EHBP1: variants seen among roughly 807,000 people sequenced by gnomAD.
The protein encoded by EHBP1 is EH domain-binding protein 1.
In EHBP1, 55 loss-of-function variants were observed where a neutral mutation model predicts 144.0. That is an observed-to-expected ratio of 0.38 (90% confidence interval 0.31 to 0.48). The LOEUF is 0.48. Ranked by LOEUF, EHBP1 falls within the 20% of genes least tolerant of loss-of-function variation. The pLI is 0.98. For synonymous variants in EHBP1, 469 were observed against 472.7 expected (o/e 0.99, Z 0.10); for missense variants, 1,200 against 1,364.2 (o/e 0.88, Z 1.90).
At position 62,915,014 on chromosome 2, in the gene EHBP1, T is replaced by C. The variant is rs115564756; in HGVS notation, c.1186-27704T>C. On this transcript the variant is annotated intron_variant, in intron 10 of 22. Transcript: ENST00000431489. ...GTGCTATTATAGTCTATTATTAATA[T>C]ATATGTAAAATGTTTCTCTTGGAAA... 2.9e-3 allele frequency among the ~76,000 whole-genome samples: 444 copies of C among 152,190 alleles called. 5 individuals are homozygous for C. Among genetic ancestry groups the C allele is most frequent in the African/African-American group, 1.0e-2 (414 of 41,566 alleles).
intron 7 of EHBP1, among the ~76,000 whole-genome samples, chr2:62,843,728 T>A (rs928534543): frequency 1.3e-5 from 2 of 152,156 alleles, no homozygotes; most frequent in African/African-American, 4.8e-5. Flanking sequence ...TTTAAAAGTG[T>A]TTGAGTGAAG....
intron 10 of EHBP1, among the ~76,000 whole-genome samples, chr2:62,939,403 A>G (rs757546535): frequency 1.3e-5 from 2 of 151,970 alleles, no homozygotes; most frequent in African/African-American, 2.4e-5. Flanking sequence ...CCTCCCTAGT[A>G]GCTGGGACTA....
At chr2:63,011,071 G>A (rs1430734597) in intron 19 of EHBP1, among the ~76,000 whole-genome samples, 1 of 148,284 alleles carries the variant, frequency 6.7e-6, no homozygotes, top group African/African-American at 2.5e-5. Context: ...GCTAACCATA[G>A]TGTTGAACTA....
intron 10 of EHBP1, among the ~76,000 whole-genome samples, chr2:62,939,433 C>G (rs1479368755): frequency 6.6e-6 from 1 of 151,960 alleles, no homozygotes; most frequent in African/African-American, 2.4e-5. Context: ...ATCACCATGC[C>G]CAGCTATTTT....
chr2:62,781,106 A>G (rs2042393731), intron 5 of EHBP1, among the ~76,000 whole-genome samples: 1 of 152,178 alleles, frequency 6.6e-6, no homozygotes, highest in South Asian at 2.1e-4. Context: ...GACTTCCAGT[A>G]TCCTACAGTC....
In EHBP1 at chr2:62,873,397, A is replaced by C. The variant is rs144195171; in HGVS notation, c.999-949A>C. Among the ~76,000 whole-genome samples, 548 of 152,278 alleles carry C rather than the reference A, an allele frequency of 3.6e-3. 4 individuals are homozygous for C. Among genetic ancestry groups the C allele is most frequent in the African/African-American group, 0.012 (517 of 41,572 alleles). ...AAATATTAGACACAAAGAAAAAATG[A>C]ACTGGATCAGAGATGTGAGAGAGTT... On this transcript the variant is annotated intron_variant, in intron 9 of 22. Transcript: ENST00000431489.
intron 14 of EHBP1, among the ~76,000 whole-genome samples, chr2:62,964,799 C>T (rs899755552): frequency 6.6e-6 from 1 of 152,174 alleles, no homozygotes; most frequent in Non-Finnish European, 1.5e-5. Context: ...AATGAACAGT[C>T]CTTGGCAATG....
At chr2:62,901,741 G>A (rs889948312) in intron 10 of EHBP1, among the ~76,000 whole-genome samples, 1 of 151,822 alleles carries the variant, frequency 6.6e-6, no homozygotes, top group Non-Finnish European at 1.5e-5. Context: ...CGAGGTAGAC[G>A]GATCATTTGA....
At chr2:62,734,741 T>G (rs1158387148) in intron 2 of EHBP1, among the ~76,000 whole-genome samples, 2 of 152,112 alleles carry the variant, frequency 1.3e-5, no homozygotes, top group African/African-American at 4.8e-5. Flanking sequence ...TTTTTCTGTC[T>G]TTTGTGTATG....
intron 19 of EHBP1, among the ~76,000 whole-genome samples, chr2:62,997,743 A>G (rs1246986838): frequency 6.6e-6 from 1 of 152,146 alleles, no homozygotes; most frequent in Non-Finnish European, 1.5e-5. Flanking sequence ...AAGCATTTAT[A>G]TGGGACATTT....
intron 9 of EHBP1, among the ~76,000 whole-genome samples, chr2:62,872,833 TA>T (rs2050595289): frequency 6.6e-6 from 1 of 152,198 alleles, no homozygotes; most frequent in Non-Finnish European, 1.5e-5. Context: ...ACATTTCACC[TA>T]AATGGAAACA....
At chr2:62,967,073 G>A (rs1298455849) in intron 14 of EHBP1, among the ~76,000 whole-genome samples, 1 of 152,182 alleles carries the variant, frequency 6.6e-6, no homozygotes, top group Non-Finnish European at 1.5e-5. Context: ...TTGATAACAT[G>A]TACAGTTTTC....
chr2:62,980,650 G>T (rs1289430418), intron 15 of EHBP1, among the ~76,000 whole-genome samples: 1 of 151,808 alleles, frequency 6.6e-6, no homozygotes, highest in Non-Finnish European at 1.5e-5. Context: ...CTGTGTATCT[G>T]TCCCTCTGGT....
At chr2:62,739,306 A>G (rs1411299170) in intron 2 of EHBP1, among the ~76,000 whole-genome samples, 1 of 152,146 alleles carries the variant, frequency 6.6e-6, no homozygotes, top group Non-Finnish European at 1.5e-5. Flanking sequence ...CAAAACACAC[A>G]ATTGCAGTAA....
chr2:62,689,712 A>G (rs1355325138), intron 1 of EHBP1, among the ~76,000 whole-genome samples: 1 of 152,186 alleles, frequency 6.6e-6, no homozygotes, highest in African/African-American at 2.4e-5. Context: ...ATTTTCATTA[A>G]CAAGAATCCA....
intron 12 of EHBP1, among the ~76,000 whole-genome samples, chr2:62,944,721 G>A (rs1430778352): frequency 6.6e-6 from 1 of 152,196 alleles, no homozygotes; most frequent in Non-Finnish European, 1.5e-5. Context: ...TCTGTGTAAG[G>A]CTGAGTTGCT....
At chr2:62,786,061 C>T (rs2152432509) in intron 5 of EHBP1, among the ~76,000 whole-genome samples, 1 of 152,264 alleles carries the variant, frequency 6.6e-6, no homozygotes, top group South Asian at 2.1e-4. Flanking sequence ...GCAATGCTTG[C>T]TGGAACTTGA....
intron 19 of EHBP1, among the ~76,000 whole-genome samples, chr2:63,010,906 C>A (rs1221728418): frequency 6.6e-6 from 1 of 151,490 alleles, no homozygotes; most frequent in Non-Finnish European, 1.5e-5. Context: ...TCTAAGGTAA[C>A]CAAATTCTAG....
chr2:62,864,630 G>A (rs2049898956), intron 8 of EHBP1, 101 bp from the exon 9 acceptor site: 2 of 1,149,612 alleles, frequency 1.7e-6, no homozygotes, highest in Non-Finnish European at 2.5e-6. Context: ...GCCCCATAGA[G>A]CTTATTAATT....
Sources: allele counts gnomAD v4.1 joint callset (sites outside exome capture counted in the v4.1 genomes callset), GRCh38; gene constraint gnomAD v4.1.1; transcripts MANE v1.5; gene names NCBI Gene and HGNC (gene_info 2026-07-23, HGNC 2026-07-21).